The following ANAPC7 variants were observed in gnomAD, a reference collection of about 807,000 sequenced individuals.
ANAPC7 encodes the protein anaphase promoting complex subunit 7, also known as anaphase-promoting complex subunit 7.
In ANAPC7, 25 loss-of-function variants were observed where a neutral mutation model predicts 63.3. That is an observed-to-expected ratio of 0.39 (90% CI 0.29 to 0.55). The LOEUF (loss-of-function observed/expected upper bound fraction) is 0.55, where lower values mean the gene tolerates loss of function less well. Among genes scored for constraint, ANAPC7 ranks in the 20% least tolerant of loss-of-function variants. The pLI, the probability that ANAPC7 is intolerant of heterozygous loss-of-function variation, is 0.57. For missense variants in ANAPC7, 516 were observed against 691.7 expected (o/e 0.75, Z 2.85); for synonymous variants, 241 against 251.7 (o/e 0.96, Z 0.40).
intron 6 of ANAPC7, among the ~76,000 whole-genome samples, chr12:110,384,675 CA>C (rs112916395): frequency 0.042 from 3,537 of 83,518 alleles, 133 homozygotes; most frequent in African/African-American, 0.14. Flanking sequence ...CTCTGTCTCA[CA>C]AAAAAAAAAC....
At chr12:110,394,081 CAGG>C (rs1475164118) in intron 3 of ANAPC7, among the ~76,000 whole-genome samples, 1 of 151,192 alleles carries the variant, frequency 6.6e-6, no homozygotes, top group East Asian at 2.0e-4. Flanking sequence ...GAGGCTGAGG[CAGG>C]AGAATCACTT....
chr12:110,379,838 C>T (rs971535774), intron 8 of ANAPC7, among the ~76,000 whole-genome samples: 2 of 152,166 alleles, frequency 1.3e-5, no homozygotes, highest in Non-Finnish European at 2.9e-5. Flanking sequence ...GTGACTGAGT[C>T]ACCAAACGTT....
chr12:110,389,082 A>T lies in ANAPC7; in HGVS notation c.409-459T>A, dbSNP rs993026548. Reference sequence around the variant, plus strand: ...GGGCTACAGAGTGAGACTCCATCTTAAAAAAAAAAAAAAAAAAAAAGAAAA... The same window carrying T: ...GGGCTACAGAGTGAGACTCCATCTTTAAAAAAAAAAAAAAAAAAAAGAAAA... On this transcript the variant is annotated intron_variant, in intron 3 of 10. Transcript: ENST00000455511. Among the ~76,000 whole-genome samples the T allele has an allele frequency of 2.8e-5, 3 of 105,522 alleles. No individual in the cohort carries two copies. In the East Asian group the frequency reaches 6.6e-4, roughly 23 times the overall value. The allele number at this position is 105,522 out of a possible 152,430, so 69.2% of individuals were successfully genotyped here. A position where few individuals can be genotyped will look rare whatever the true frequency, so the allele number is the denominator to read the frequency against.
chr12:110,390,939 C>T (rs1259966553), intron 3 of ANAPC7, among the ~76,000 whole-genome samples: 1 of 152,174 alleles, frequency 6.6e-6, no homozygotes, highest in Non-Finnish European at 1.5e-5. Flanking sequence ...CACCTCTAAT[C>T]CTAGCACTTT....
At chr12:110,390,365 T>A (rs149509859) in intron 3 of ANAPC7, among the ~76,000 whole-genome samples, 4,175 of 152,186 alleles carry the variant, frequency 0.027, 84 homozygotes, top group Middle Eastern at 0.082. Flanking sequence ...TGAGCCACCG[T>A]GTCTGGCAAA....
In ANAPC7 at chr12:110,403,616, T is replaced by G. The variant is rs2062265610; in HGVS notation, c.12A>C (p.Ile4=). The G allele has an allele frequency of 6.2e-7, 1 of 1,605,246 alleles. No individual in the cohort carries two copies. Among genetic ancestry groups the G allele is most frequent in the African/African-American group, 1.3e-5 (1 of 75,010 alleles). Residue 4 remains isoleucine, a synonymous_variant, in exon 1 of 11, where the codon ATA becomes ATC. Coordinates refer to ENST00000455511, the MANE Select transcript of ANAPC7 (RefSeq NM_016238.3). The part of the protein sequence containing the change: MNV[I]DHVRDMAAAG... ...CGGCCGCCATGTCCCGCACGTGGTC[T>G]ATCACATTCATCCTGCTCTGCAAAG...
chr12:110,376,519 T>A (rs914142117), intron 9 of ANAPC7, among the ~76,000 whole-genome samples: 24 of 123,298 alleles, frequency 1.9e-4, no homozygotes, highest in Non-Finnish European at 1.3e-4. Flanking sequence ...CAGTGAGCCG[T>A]GATTGTGCCA....
At chr12:110,393,292 G>C (rs1054825718) in intron 3 of ANAPC7, among the ~76,000 whole-genome samples, 1 of 152,072 alleles carries the variant, frequency 6.6e-6, no homozygotes, top group African/African-American at 2.4e-5. Context: ...TTCTAAAAAA[G>C]TATTTTTGCC....
rs779280065 is a variant in ANAPC7, at chr12:110,377,624, AAAGTAAAACACGTG to A, written c.1133-21_1133-8del. On this transcript the variant is annotated splice_polypyrimidine_tract_variant and splice_region_variant and intron_variant, in intron 8 of 10. Coordinates refer to ENST00000455511, the MANE Select transcript of ANAPC7 (RefSeq NM_016238.3). The stretch of plus-strand genomic sequence containing the variant: ...AAGTAACATTCGATAAGACCTGAAA[AAAGTAAAACACGTG>A]AAGACATTCAATGCCATTACCATTC... 4.3e-6 allele frequency: 7 copies of A among 1,614,166 alleles called. No individual in the cohort carries two copies. The highest frequency in any genetic ancestry group is 5.1e-6 in the Non-Finnish European group (6 of 1,179,996).
At chr12:110,388,668 A>T in intron 3 of ANAPC7, 45 bp from the exon 4 acceptor site, 1 of 1,369,120 alleles carries the variant, frequency 7.3e-7, no homozygotes, top group Non-Finnish European at 1.0e-6. Context: ...CGTATATTGC[A>T]AAGAAAATCT....
At chr12:110,383,152 A>C in intron 6 of ANAPC7, 192 bp from the exon 7 acceptor site, 1 of 522,466 alleles carries the variant, frequency 1.9e-6, no homozygotes, top group Non-Finnish European at 3.4e-6. Context: ...AAAATGCAAA[A>C]CCCAGGTTGG....
intron 8 of ANAPC7, among the ~76,000 whole-genome samples, 171 bp downstream of exon 8, chr12:110,381,581 C>G (rs564441009): frequency 6.6e-6 from 1 of 151,956 alleles, no homozygotes; most frequent in Admixed American, 6.6e-5. Flanking sequence ...ATGATCTGCC[C>G]GTCTCGGCCT....
chr12:110,378,725 CT>C (rs1881535072), intron 8 of ANAPC7: 1 of 152,224 alleles, frequency 6.6e-6, no homozygotes, highest in African/African-American at 2.4e-5. Flanking sequence ...AAAAAAACAG[CT>C]TAAAACCCCA....
chr12:110,384,438 C>T (rs1882262195), intron 6 of ANAPC7, among the ~76,000 whole-genome samples: 1 of 151,694 alleles, frequency 6.6e-6, no homozygotes, highest in East Asian at 1.9e-4. Flanking sequence ...GGCACGGTGA[C>T]TCATGCCTAT....
At chr12:110,387,247 CAG>C (rs1882553934) in intron 5 of ANAPC7, 1 of 33,208 alleles carries the variant, frequency 3.0e-5, no homozygotes, top group Non-Finnish European at 5.9e-5. Context: ...GACAGAGAGA[CAG>C]AGAGACAGAG....
At chr12:110,386,284 C>G (rs548996491) in intron 6 of ANAPC7, 43 bp downstream of exon 6, 9 of 1,611,254 alleles carry the variant, frequency 5.6e-6, no homozygotes. Flanking sequence ...CTCTGATCCC[C>G]CCCAACAACA....
chr12:110,382,454 A>ATATATATATATATATATATATGTAT (rs1566264030), intron 7 of ANAPC7, among the ~76,000 whole-genome samples: 4 of 93,666 alleles, frequency 4.3e-5, no homozygotes, highest in African/African-American at 1.7e-4. Flanking sequence ...AAAAAAAAAA[A>ATATATATATATATATATATATGTAT]AAAAAAAATA....
At chr12:110,387,676 T>C (rs745758366) in intron 5 of ANAPC7, 63 bp downstream of exon 5, 4 of 1,547,218 alleles carry the variant, frequency 2.6e-6, no homozygotes. Flanking sequence ...CTACTTCAGA[T>C]ACATCAGACT....
At chr12:110,384,531 CA>C (rs2137943219) in intron 6 of ANAPC7, among the ~76,000 whole-genome samples, 1 of 151,312 alleles carries the variant, frequency 6.6e-6, no homozygotes, top group Non-Finnish European at 1.5e-5. Flanking sequence ...ACTAAAAATA[CA>C]AAAACTAGCC....
Sources: gnomAD v4.1 joint callset for allele counts (sites outside exome capture counted in the v4.1 genomes callset) on GRCh38, gnomAD v4.1.1 for gene constraint, MANE v1.5 for transcripts, NCBI Gene and HGNC (gene_info 2026-07-23, HGNC 2026-07-21) for gene names.